NRXN3: variants seen among roughly 807,000 people sequenced by gnomAD.
NRXN3 encodes the protein neurexin 3.
Under a neutral mutation model 137.6 loss-of-function variants are expected in NRXN3, and 32 were observed. The observed-to-expected ratio is 0.23, with a 90% CI of 0.18 to 0.31. The LOEUF is 0.31. Among genes scored for constraint, NRXN3 ranks in the 10% least tolerant of loss-of-function variants. The pLI is 1.00. For synonymous variants in NRXN3, 798 were observed against 784.5 expected, an observed-to-expected ratio of 1.02 and a Z score of -0.29; for missense variants, 1,574 against 2,062.5, an observed-to-expected ratio of 0.76 and a Z score of 4.59.
At chr14:78,957,412 G>A (rs761336749) in intron 11 of NRXN3, 51 bp downstream of exon 11, 12 of 1,583,382 alleles carry the variant, frequency 7.6e-6, no homozygotes, top group Non-Finnish European at 9.5e-6. Flanking sequence ...AGTCCTCTCA[G>A]TCACTGAGTG....
chr14:79,541,827 C>A (rs979405896), intron 16 of NRXN3, among the ~76,000 whole-genome samples: 1 of 152,116 alleles, frequency 6.6e-6, no homozygotes, highest in African/African-American at 2.4e-5. Flanking sequence ...TCATGAGGAA[C>A]CATCATGTCT....
At chr14:78,993,287 G>A (rs2099522691) in intron 15 of NRXN3, among the ~76,000 whole-genome samples, 1 of 152,078 alleles carries the variant, frequency 6.6e-6, no homozygotes, top group Non-Finnish European at 1.5e-5. Context: ...GAAAATACAA[G>A]CAATGTATGC....
chr14:79,735,033 C>T (rs886125063), intron 19 of NRXN3, among the ~76,000 whole-genome samples: 1 of 152,136 alleles, frequency 6.6e-6, no homozygotes, highest in African/African-American at 2.4e-5. Flanking sequence ...TTAAAGAATA[C>T]TTGGTAGGGG....
chr14:79,853,905 G>C, intron 20 of NRXN3: 3 of 990,612 alleles, frequency 3.0e-6, no homozygotes, highest in Non-Finnish European at 3.6e-6. Flanking sequence ...CATAGCAATC[G>C]GAATTATTTT....
chr14:79,544,318 C>T (rs934184851), intron 16 of NRXN3, among the ~76,000 whole-genome samples: 3 of 152,144 alleles, frequency 2.0e-5, no homozygotes, highest in African/African-American at 4.8e-5. Context: ...AGTTCATTAA[C>T]AGTATTATGT....
At chr14:78,392,738 G>A (rs1469664614) in intron 4 of NRXN3, among the ~76,000 whole-genome samples, 3 of 152,018 alleles carry the variant, frequency 2.0e-5, no homozygotes, top group African/African-American at 4.8e-5. Context: ...ATTATCTCTT[G>A]TAGTCTACTC....
chr14:79,487,697 T>C (rs1010919793), intron 16 of NRXN3, among the ~76,000 whole-genome samples: 4 of 146,652 alleles, frequency 2.7e-5, no homozygotes, highest in African/African-American at 1.1e-4. Flanking sequence ...TTCTCAGTTG[T>C]GTGAGAGCCT....
chr14:78,991,182 A>G (rs2099518125), intron 15 of NRXN3, among the ~76,000 whole-genome samples: 1 of 152,212 alleles, frequency 6.6e-6, no homozygotes, highest in Admixed American at 6.5e-5. Context: ...GAAAAGGAAT[A>G]TAGAGAAAAT....
intron 4 of NRXN3, among the ~76,000 whole-genome samples, chr14:78,466,071 T>G (rs1430749619): frequency 6.6e-6 from 1 of 151,994 alleles, no homozygotes; most frequent in East Asian, 1.9e-4. Context: ...GCCAGGTTGG[T>G]CTAGATCTCC....
intron 4 of NRXN3, among the ~76,000 whole-genome samples, chr14:78,391,668 A>C (rs2090794046): frequency 1.3e-5 from 2 of 152,190 alleles, no homozygotes; most frequent in Admixed American, 6.5e-5. Flanking sequence ...GGAACACCTA[A>C]AAAGTTGCTA....
At chr14:79,600,241 C>T (rs2097908380) in intron 16 of NRXN3, among the ~76,000 whole-genome samples, 2 of 152,142 alleles carry the variant, frequency 1.3e-5, no homozygotes, top group Admixed American at 1.3e-4. Context: ...CTTTTATGTT[C>T]TTTCCTGTTT....
chr14:79,117,186 G>C (rs1399661447), intron 15 of NRXN3, among the ~76,000 whole-genome samples: 1 of 152,040 alleles, frequency 6.6e-6, no homozygotes, highest in African/African-American at 2.4e-5. Context: ...ATTATGAAAA[G>C]GTTACCCAAA....
chr14:79,315,835 T>C (rs1339933755), intron 15 of NRXN3, among the ~76,000 whole-genome samples: 1 of 152,218 alleles, frequency 6.6e-6, no homozygotes, highest in Non-Finnish European at 1.5e-5. Flanking sequence ...ACAATCTATT[T>C]AATATAATTC....
intron 15 of NRXN3, among the ~76,000 whole-genome samples, chr14:78,994,461 A>G (rs1434019317): frequency 6.6e-6 from 1 of 151,982 alleles, no homozygotes; most frequent in Middle Eastern, 3.2e-3. Flanking sequence ...TTGGGGAGAA[A>G]CTCCCCTATG....
At chr14:78,478,773 G>C (rs1377448466) in intron 4 of NRXN3, among the ~76,000 whole-genome samples, 2 of 152,162 alleles carry the variant, frequency 1.3e-5, no homozygotes, top group Non-Finnish European at 2.9e-5. Context: ...AGGGTAGGTA[G>C]CTTTCTCTTC....
intron 10 of NRXN3, among the ~76,000 whole-genome samples, chr14:78,874,745 T>A (rs1393659910): frequency 1.3e-5 from 2 of 152,196 alleles, no homozygotes; most frequent in African/African-American, 4.8e-5. Flanking sequence ...GCAGGTGTCA[T>A]GTTCTGACAC....
chr14:78,310,260 CTTT>C (rs201314931), intron 4 of NRXN3, among the ~76,000 whole-genome samples: 51 of 125,678 alleles, frequency 4.1e-4, no homozygotes, highest in Admixed American at 9.2e-4. Flanking sequence ...TTATGAATGG[CTTT>C]TTTTTTTTTT....
chr14:78,224,623 G>A (rs2064270046), intron 1 of NRXN3, among the ~76,000 whole-genome samples: 1 of 152,070 alleles, frequency 6.6e-6, no homozygotes, highest in Admixed American at 6.5e-5. Flanking sequence ...TTTTATGGCT[G>A]CATAGTATTC....
chr14:79,280,318 G>C, intron 15 of NRXN3: 1 of 1,614,058 alleles, frequency 6.2e-7, no homozygotes, highest in Non-Finnish European at 8.5e-7. Context: ...ACGCGAGACG[G>C]AGCCCTCCTC....
Sources: gnomAD v4.1 joint callset for allele counts (sites outside exome capture counted in the v4.1 genomes callset) on GRCh38, gnomAD v4.1.1 for gene constraint, MANE v1.5 for transcripts, NCBI Gene and HGNC (gene_info 2026-07-23, HGNC 2026-07-21) for gene names.